The following DNAH7 variants were observed in gnomAD, a reference collection of about 807,000 sequenced individuals.
The protein encoded by DNAH7 is axonemal beta dynein heavy chain 7.
In DNAH7, 397 loss-of-function variants were observed where a neutral mutation model predicts 444.6. The observed-to-expected ratio is 0.89, with a 90% CI of 0.82 to 0.97. DNAH7 has a LOEUF of 0.97. DNAH7 is among the 50% of genes least tolerant of loss of function. The pLI is 0.00. For synonymous variants in DNAH7, 1,636 were observed against 1,624.4 expected, an observed-to-expected ratio of 1.01 and a Z score of -0.17; for missense variants, 4,902 against 4,800.8, an observed-to-expected ratio of 1.02 and a Z score of -0.62.
chr2:196,032,406 T>A (rs1264196497), intron 5 of DNAH7, among the ~76,000 whole-genome samples: 1 of 152,138 alleles, frequency 6.6e-6, no homozygotes, highest in African/African-American at 2.4e-5. Flanking sequence ...GAAAACAATC[T>A]GCCTGGGAGA....
In DNAH7 at chr2:195,886,179, T is replaced by C; in HGVS notation, c.5500A>G (p.Lys1834Glu). The part of the protein sequence containing the change: ...MDDFADEVKL[K>E]ERNDRETYSL... ...TAAGTTTCTCGATCATTTCTCTCCT[T>C]TAGTTTGACTTCATCAGCAAAATCA... is the stretch of plus-strand genomic sequence containing the variant. Residue 1834 changes from lysine (K) to glutamate (E), a missense_variant, in exon 34 of 65, where the codon AAG (lysine) becomes GAG (glutamate). Physicochemically the swap from Lys to Glu is moderately conservative, Grantham distance 56 (BLOSUM62 1). Coordinates refer to ENST00000312428, the MANE Select transcript of DNAH7 (RefSeq NM_018897.3). 1 of 1,613,878 alleles carries C rather than the reference T, an allele frequency of 6.2e-7. No individual in the cohort carries two copies. Among genetic ancestry groups the C allele is most frequent in the South Asian group, 1.1e-5 (1 of 90,994 alleles).
At chr2:195,991,346 T>C (rs1307741734) in intron 12 of DNAH7, among the ~76,000 whole-genome samples, 1 of 150,844 alleles carries the variant, frequency 6.6e-6, no homozygotes, top group Admixed American at 6.7e-5. Flanking sequence ...CTCCTTCTCA[T>C]ACAGATAAGT....
chr2:195,959,360 G>T (rs891536069), intron 18 of DNAH7, among the ~76,000 whole-genome samples: 5 of 152,088 alleles, frequency 3.3e-5, no homozygotes, highest in African/African-American at 1.2e-4. Context: ...ATTTTTGTGT[G>T]ATTCAGAAAA....
chr2:195,922,954 T>C (rs1367534489), intron 23 of DNAH7, among the ~76,000 whole-genome samples: 1 of 151,950 alleles, frequency 6.6e-6, no homozygotes, highest in Non-Finnish European at 1.5e-5. Context: ...CTCTGCCTCC[T>C]GGGGTTCAAG....
At chr2:195,895,284 T>A in intron 29 of DNAH7, 60 bp from the exon 30 acceptor site, 2 of 1,192,244 alleles carry the variant, frequency 1.7e-6, no homozygotes, top group Non-Finnish European at 2.3e-6. Context: ...TACAAATATT[T>A]TGTATTGATG....
rs80244718 is a variant in DNAH7, at chr2:195,813,308, T to C, written c.9761+3320A>G. Among the ~76,000 whole-genome samples, 514 of 152,330 alleles carry C rather than the reference T, an allele frequency of 3.4e-3. 1 individual carries two copies. Among genetic ancestry groups the C allele is most frequent in the African/African-American group, 0.012 (498 of 41,570 alleles). On this transcript the variant is annotated intron_variant, in intron 51 of 64. Transcript: ENST00000312428. ...TTTCCTTCCCTCCTTTTTTTCTTAATTTAGAAAACCTAAAATTATAGGTAC... is the reference window on the plus strand; with the variant it reads ...TTTCCTTCCCTCCTTTTTTTCTTAACTTAGAAAACCTAAAATTATAGGTAC...
intron 46 of DNAH7, among the ~76,000 whole-genome samples, chr2:195,851,909 C>A (rs1699390389): frequency 6.6e-6 from 1 of 152,142 alleles, no homozygotes; most frequent in African/African-American, 2.4e-5. Flanking sequence ...CAGGTAACCA[C>A]TGAGTGCTAA....
chr2:195,998,172 A>G (rs1693816620), intron 12 of DNAH7, among the ~76,000 whole-genome samples: 1 of 152,188 alleles, frequency 6.6e-6, no homozygotes, highest in African/African-American at 2.4e-5. Flanking sequence ...GTTTCAATTA[A>G]CTGTTCTAAT....
At chr2:195,776,623 A>C (rs549047634) in intron 59 of DNAH7, among the ~76,000 whole-genome samples, 1 of 151,964 alleles carries the variant, frequency 6.6e-6, no homozygotes, top group East Asian at 1.9e-4. Context: ...TCACAATAAA[A>C]ATATTTTTTT....
intron 61 of DNAH7, among the ~76,000 whole-genome samples, chr2:195,763,218 A>G (rs1357096272): frequency 6.6e-6 from 1 of 152,200 alleles, no homozygotes; most frequent in African/African-American, 2.4e-5. Context: ...AACAGTAGTA[A>G]GGTGGATGTT....
intron 1 of DNAH7, among the ~76,000 whole-genome samples, chr2:196,067,749 T>G (rs1237297662): frequency 2.6e-5 from 4 of 152,208 alleles, no homozygotes; most frequent in South Asian, 4.1e-4. Context: ...GAAAAAAGCA[T>G]TATAAAGCAA....
Position 195,872,300 on chromosome 2 carries a change from G to C in DNAH7, c.6583C>G (p.Pro2195Ala). 1.2e-6 allele frequency: 2 copies of C among 1,613,762 alleles called. No homozygotes were observed. The highest frequency in any genetic ancestry group is 1.7e-6 in the Non-Finnish European group (2 of 1,179,902). The part of the protein sequence containing the change: ...RVIQGVCLSR[P>A]ETTETTEVIK... ...ACTTCTGTGGTTTCTGTTGTTTCTG[G>C]TCTTGACAAACAAACACCTTGAATG... is the stretch of plus-strand genomic sequence containing the variant. Residue 2195 changes from proline (P) to alanine (A), a missense_variant, in exon 40 of 65, where the codon CCA becomes GCA. Coordinates refer to ENST00000312428, the MANE Select transcript of DNAH7 (RefSeq NM_018897.3).
intron 48 of DNAH7, among the ~76,000 whole-genome samples, chr2:195,829,805 A>G (rs370996785): frequency 5.9e-5 from 9 of 152,088 alleles, no homozygotes; most frequent in African/African-American, 2.2e-4. Flanking sequence ...CTTTTCCCCC[A>G]ATTTTGAAAA....
Position 195,799,448 on chromosome 2 carries a change from T to C in DNAH7, c.10201A>G (p.Ile3401Val), listed in dbSNP as rs1367083787. 3 of 1,599,422 alleles carry C rather than the reference T, an allele frequency of 1.9e-6. No homozygotes were observed. Among genetic ancestry groups the C allele is most frequent in the East Asian group, 2.3e-5 (1 of 44,290 alleles). The change falls in exon 55 of 65, where the codon ATA (isoleucine) becomes GTA (valine). Residue 3401 changes from isoleucine (I) to valine (V), a missense_variant. Transcript: ENST00000312428. ...DKVIPMLQEF[I>V]INRLGRAFIE... is the part of the protein sequence containing the mutation. ...AATGCACGTCCCAATCTGTTGATTA[T>C]AAATTCCTGCAACATTGGAATAACC...
intron 5 of DNAH7, among the ~76,000 whole-genome samples, chr2:196,045,132 TGGAGGAGGA>T (rs375772751): frequency 1.0e-5 from 1 of 98,612 alleles, no homozygotes; most frequent in African/African-American, 3.9e-5. Context: ...GAAGAGGAGA[TGGAGGAGGA>T]GGAGAAGGAG....
intron 12 of DNAH7, among the ~76,000 whole-genome samples, chr2:195,993,575 C>G (rs1027012776): frequency 1.1e-4 from 17 of 152,178 alleles, no homozygotes; most frequent in African/African-American, 3.9e-4. Flanking sequence ...CAGAACTCTA[C>G]TAGTCTTCTG....
At chr2:195,946,554 G>C (rs1007573675) in intron 19 of DNAH7, among the ~76,000 whole-genome samples, 1 of 152,068 alleles carries the variant, frequency 6.6e-6, no homozygotes, top group African/African-American at 2.4e-5. Flanking sequence ...CAACAGAAAA[G>C]GCACAGGGCC....
chr2:196,009,319 A>G (rs561788752), intron 10 of DNAH7, among the ~76,000 whole-genome samples: 7 of 152,312 alleles, frequency 4.6e-5, no homozygotes, highest in African/African-American at 1.7e-4. Flanking sequence ...TGAATTGTAC[A>G]CATTAAAGTA....
At chr2:195,953,587 T>C (rs946929134) in intron 19 of DNAH7, among the ~76,000 whole-genome samples, 1 of 152,228 alleles carries the variant, frequency 6.6e-6, no homozygotes, top group African/African-American at 2.4e-5. Context: ...GTTTTATCTA[T>C]AAGCCCCTGA....
Sources: allele counts gnomAD v4.1 joint callset (sites outside exome capture counted in the v4.1 genomes callset), GRCh38; gene constraint gnomAD v4.1.1; transcripts MANE v1.5; gene names NCBI Gene and HGNC (gene_info 2026-07-23, HGNC 2026-07-21).